The following PACRG variants were observed in gnomAD, a reference collection of about 807,000 sequenced individuals.
The protein encoded by PACRG is parkin coregulated.
In PACRG, 29 loss-of-function variants were observed where a neutral mutation model predicts 29.7. The ratio of observed to expected loss-of-function variants is 0.98; its 90% CI spans 0.73 to 1.33. The LOEUF is 1.33. Ranked by LOEUF, PACRG falls within the 40% of genes most tolerant of loss-of-function variation. The pLI is 0.00. For missense variants in PACRG, 279 were observed against 316.2 expected, an observed-to-expected ratio of 0.88 and a Z score of 0.89; for synonymous variants, 116 against 118.7, an observed-to-expected ratio of 0.98 and a Z score of 0.15.
At chr6:162,734,446 T>C (rs1584172663) in intron 1 of PACRG, among the ~76,000 whole-genome samples, 2 of 150,184 alleles carry the variant, frequency 1.3e-5, no homozygotes, top group South Asian at 4.2e-4. Flanking sequence ...TATACTTAAA[T>C]TAAATTATAT....
At chr6:163,063,287 A>T (rs921375568) in intron 3 of PACRG, among the ~76,000 whole-genome samples, 1 of 152,098 alleles carries the variant, frequency 6.6e-6, no homozygotes, top group African/African-American at 2.4e-5. Context: ...ATCCAGGCCC[A>T]ACTGCCCATG....
intron 2 of PACRG, chr6:163,051,768 C>CA (rs1810041330): frequency 6.6e-6 from 1 of 152,222 alleles, no homozygotes; most frequent in African/African-American, 2.4e-5. Context: ...CTCCTGGCAT[C>CA]ACCTGGAACT....
chr6:163,229,627 A>T (rs1781945479), intron 4 of PACRG, among the ~76,000 whole-genome samples: 1 of 152,212 alleles, frequency 6.6e-6, no homozygotes, highest in African/African-American at 2.4e-5. Flanking sequence ...TCAGTTAGTT[A>T]GTCTCGTGAC....
intron 4 of PACRG, among the ~76,000 whole-genome samples, chr6:163,189,235 G>A (rs764202423): frequency 6.6e-5 from 10 of 152,200 alleles, no homozygotes; most frequent in Admixed American, 2.6e-4. Flanking sequence ...GGCATGAGAT[G>A]GACATAAGGG....
intron 1 of PACRG, among the ~76,000 whole-genome samples, chr6:162,751,923 A>T (rs1781541580): frequency 6.6e-6 from 1 of 152,168 alleles, no homozygotes; most frequent in Non-Finnish European, 1.5e-5. Context: ...ATCTGACATA[A>T]AATGCCTTGG....
chr6:162,841,301 A>T lies in PACRG; in HGVS notation c.291+27020A>T, dbSNP rs1378863408. Reference sequence around the variant, plus strand: ...TGTTATTGGTCTATTCAGAGATTCAACTTCTTCCTGGTTTAGTCTTGGGAG... The same window carrying T: ...TGTTATTGGTCTATTCAGAGATTCATCTTCTTCCTGGTTTAGTCTTGGGAG... On this transcript the variant is annotated intron_variant, in intron 2 of 4. Transcript: ENST00000366888. Among the ~76,000 whole-genome samples the T allele has an allele frequency of 4.1e-4, 60 of 147,056 alleles. 1 individual carries two copies. The South Asian group carries it at 7.5e-3, about 18-fold the overall frequency.
At chr6:162,876,671 CTGA>C (rs1377903689) in intron 2 of PACRG, among the ~76,000 whole-genome samples, 9 of 152,186 alleles carry the variant, frequency 5.9e-5, no homozygotes, top group Admixed American at 2.0e-4. Context: ...CCTGTTCACT[CTGA>C]TGATAGTTTC....
chr6:163,249,303 T>C (rs955633726), intron 4 of PACRG, among the ~76,000 whole-genome samples: 3 of 152,166 alleles, frequency 2.0e-5, no homozygotes, highest in Non-Finnish European at 4.4e-5. Context: ...TTTCAAAAGA[T>C]CTGAAAATAC....
At chr6:163,189,824 C>T (rs1165380760) in intron 4 of PACRG, 1 of 152,238 alleles carries the variant, frequency 6.6e-6, no homozygotes, top group Non-Finnish European at 1.5e-5. Context: ...GGCCCGCATT[C>T]ACTGTCCCGG....
intron 2 of PACRG, among the ~76,000 whole-genome samples, chr6:162,913,646 CAAG>C (rs1283081737): frequency 6.6e-6 from 1 of 152,104 alleles, no homozygotes; most frequent in African/African-American, 2.4e-5. Context: ...AGTAAATTTC[CAAG>C]CCTGTTATAT....
chr6:163,307,695 AG>A (rs1039226895), intron 4 of PACRG, among the ~76,000 whole-genome samples: 72 of 152,332 alleles, frequency 4.7e-4, no homozygotes, highest in African/African-American at 1.7e-3. Flanking sequence ...ATTATGGTTA[AG>A]GGGGAGAAAA....
chr6:163,083,323 GT>G (rs1488886062), intron 3 of PACRG, among the ~76,000 whole-genome samples: 1 of 152,110 alleles, frequency 6.6e-6, no homozygotes, highest in Non-Finnish European at 1.5e-5. Flanking sequence ...AATGTTAACT[GT>G]TTGTGTATCA....
intron 2 of PACRG, among the ~76,000 whole-genome samples, chr6:163,021,859 C>T (rs1806657165): frequency 6.6e-6 from 1 of 152,184 alleles, no homozygotes; most frequent in Admixed American, 6.5e-5. Context: ...GAGCCTGCTC[C>T]CTGTTATTCC....
intron 2 of PACRG, among the ~76,000 whole-genome samples, chr6:162,866,867 T>C (rs890967269): frequency 1.3e-5 from 2 of 152,224 alleles, no homozygotes; most frequent in Non-Finnish European, 2.9e-5. Flanking sequence ...CAAGCTCCAC[T>C]GTGCATGTTT....
intron 4 of PACRG, among the ~76,000 whole-genome samples, chr6:163,198,052 G>A (rs1441724419): frequency 6.6e-6 from 1 of 152,190 alleles, no homozygotes; most frequent in Admixed American, 6.5e-5. Flanking sequence ...CCAGGTCCCC[G>A]CTAATCTGTG....
At chr6:163,213,644 C>T (rs1781242617) in intron 4 of PACRG, among the ~76,000 whole-genome samples, 1 of 151,984 alleles carries the variant, frequency 6.6e-6, no homozygotes, top group Non-Finnish European at 1.5e-5. Context: ...CTATGTATAT[C>T]CTTTACCCAT....
At chr6:162,947,609 A>C (rs1216332744) in intron 2 of PACRG, among the ~76,000 whole-genome samples, 6 of 32,618 alleles carry the variant, frequency 1.8e-4, no homozygotes, top group African/African-American at 2.5e-4. Flanking sequence ...TATATATATA[A>C]TCATATATAT....
At chr6:162,947,814 A>G (rs1799356577) in intron 2 of PACRG, among the ~76,000 whole-genome samples, 1 of 150,704 alleles carries the variant, frequency 6.6e-6, no homozygotes, top group Admixed American at 6.7e-5. Flanking sequence ...TACAAAAATA[A>G]ATAAATAAAA....
At chr6:162,814,062 A>C in intron 1 of PACRG, 85 bp from the exon 2 acceptor site, 1 of 1,386,532 alleles carries the variant, frequency 7.2e-7, no homozygotes. Flanking sequence ...ACAAACTGAA[A>C]TCTTTAAAAA....
Sources: gnomAD v4.1 joint callset for allele counts (sites outside exome capture counted in the v4.1 genomes callset) on GRCh38, gnomAD v4.1.1 for gene constraint, MANE v1.5 for transcripts, NCBI Gene and HGNC (gene_info 2026-07-23, HGNC 2026-07-21) for gene names.